Variants in PKD1 observed in about 807,000 individuals in gnomAD.
The protein encoded by PKD1 is polycystin 1, transient receptor potential channel interacting, also known as polycystin-1.
In PKD1, 81 loss-of-function variants were observed where a neutral mutation model predicts 361.7. The observed-to-expected ratio is 0.22, with a 90% CI of 0.19 to 0.27. The LOEUF (loss-of-function observed/expected upper bound fraction) is 0.27, where lower values mean the gene tolerates loss of function less well. Ranked by LOEUF, PKD1 falls within the 10% of genes least tolerant of loss-of-function variation. The probability of loss-of-function intolerance (pLI) is 1.00; values close to 1 mark genes in which losing one functional copy is unlikely to be tolerated. For missense variants in PKD1, 6,399 were observed against 6,118.3 expected (o/e 1.05, Z -1.53); for synonymous variants, 3,615 against 2,818.3 (o/e 1.28, Z -8.95).
At chr16:2,113,902 G>A (rs1400854022) in intron 11 of PKD1, 11 of 552,332 alleles carry the variant, frequency 2.0e-5, no homozygotes, top group Non-Finnish European at 3.3e-5. Context: ...GGGGGCTCGT[G>A]TGAGGTCAGG....
At position 2,106,726 on chromosome 16, in the gene PKD1, C is replaced by A. The variant is rs1390112705; in HGVS notation, c.7210-49G>T. 3 of 1,537,230 alleles carry A rather than the reference C, an allele frequency of 2.0e-6. No individual in the cohort carries two copies. The highest frequency in any genetic ancestry group is 2.3e-5 in the East Asian group (1 of 43,720). On this transcript the variant is annotated intron_variant, in intron 17 of 45. Coordinates refer to ENST00000262304, the MANE Select transcript of PKD1 (RefSeq NM_001009944.3). This position sits in a 1 kb window ranked among gnomAD's most constrained non-coding sequence, Gnocchi z 6.5. ...GGGGCGCAACCCTCTGCCCTGTCAG[C>A]CCCACTTCTGCCTGCAGGCCCCGTC... is the stretch of plus-strand genomic sequence containing the variant.
At chr16:2,124,762 C>T (rs1433571719) in intron 1 of PKD1, among the ~76,000 whole-genome samples, 7 of 152,234 alleles carry the variant, frequency 4.6e-5, no homozygotes, top group South Asian at 2.1e-4. Flanking sequence ...CCGGCACCCC[C>T]GCCCGCGCTG....
At position 2,135,896 on chromosome 16, in the gene PKD1, T is replaced by C. The variant is rs1380968772; in HGVS notation, c.-207A>G. On this transcript the variant is annotated 5_prime_UTR_variant, in exon 1 of 46. Transcript: ENST00000262304. Reference sequence around the variant, plus strand: ...GCCCGCTCGGACGCTGGCGCTGCAGTGCGGGCCCCGCCGCGGCTCCTCCTC... The same window carrying C: ...GCCCGCTCGGACGCTGGCGCTGCAGCGCGGGCCCCGCCGCGGCTCCTCCTC... 2.1e-5 allele frequency: 4 copies of C among 193,214 alleles called. No homozygotes were observed. The highest frequency in any genetic ancestry group is 3.7e-5 in the Non-Finnish European group (4 of 107,916). The allele number at this position is 193,214 out of a possible 1,614,324, so 12.0% of individuals were successfully genotyped here.
chr16:2,132,052 A>AC (rs2092888537), intron 1 of PKD1: 1 of 151,868 alleles, frequency 6.6e-6, no homozygotes, highest in South Asian at 2.1e-4. Context: ...GGAGTTTGAG[A>AC]CCAGCCTGAC....
In PKD1 at chr16:2,103,687, C is replaced by T. The variant is rs567922171; in HGVS notation, c.8370G>A (p.Pro2790=). The T allele has an allele frequency of 1.2e-4, 192 of 1,610,014 alleles. No homozygotes were observed. The highest frequency in any genetic ancestry group is 4.5e-4 in the Middle Eastern group (2 of 4,428). ...CGCCGCCATAGCACAGCAGGCTCCG[C>T]GGGTCCGAGCGCTTGCCCTGGGCCA... ...EIVAQGKRSD[P]RSLLCYGGAP... The change falls in exon 23 of 46, where the codon CCG becomes CCA. Residue 2790 remains proline, a synonymous_variant. Coordinates refer to ENST00000262304, the MANE Select transcript of PKD1 (RefSeq NM_001009944.3).
Position 2,098,303 on chromosome 16 carries a change from C to T in PKD1, c.10051-319G>A, listed in dbSNP as rs543881755. On this transcript the variant is annotated intron_variant, in intron 30 of 45. Coordinates refer to ENST00000262304, the MANE Select transcript of PKD1 (RefSeq NM_001009944.3). ...AGCTCACTGCAACCTCCACCTCCCGCGTTCAGGCGATTGTCCTGGCTCAGC... is the reference window on the plus strand; with the variant it reads ...AGCTCACTGCAACCTCCACCTCCCGTGTTCAGGCGATTGTCCTGGCTCAGC... 1.2e-3 allele frequency: 521 copies of T among 418,972 alleles called. 1 individual carries two copies. Among genetic ancestry groups the T allele is most frequent in the African/African-American group, 8.6e-3 (424 of 49,420 alleles). The allele number at this position is 418,972 out of a possible 1,614,324, so 26.0% of individuals were successfully genotyped here.
At position 2,114,101 on chromosome 16, in the gene PKD1, G is replaced by A. The variant is rs577330548; in HGVS notation, c.2853+69C>T. The A allele has an allele frequency of 8.4e-5, 108 of 1,291,600 alleles. No individual in the cohort carries two copies. In the African/African-American group the frequency reaches 1.1e-3, roughly 13 times the overall value. The allele number at this position is 1,291,600 out of a possible 1,614,324, so 80.0% of individuals were successfully genotyped here. ...CCCTCACTGGGAAGCCAGGCCTCAC[G>A]CCCTGTGTGAGCACCCTGTCTGCAG... On this transcript the variant is annotated intron_variant, in intron 11 of 45. Coordinates refer to ENST00000262304, the MANE Select transcript of PKD1 (RefSeq NM_001009944.3).
intron 1 of PKD1, chr16:2,119,837 G>A (rs1184322698): frequency 1.6e-5 from 11 of 699,196 alleles, no homozygotes; most frequent in South Asian, 1.0e-4. Flanking sequence ...AGGTATGACT[G>A]TGTGAGAAGC....
At chr16:2,099,498 GC>G in intron 30 of PKD1, 145 bp downstream of exon 30, 1 of 718,470 alleles carries the variant, frequency 1.4e-6, no homozygotes, top group South Asian at 1.5e-5. Context: ...TCTAGCTAAG[GC>G]TGCTCAAGTG....
rs781492044 is a variant in PKD1, at chr16:2,093,828, C to T, written c.10804G>A (p.Gly3602Ser). The change falls in exon 36 of 46, where the codon GGC (glycine) becomes AGC (serine). Residue 3602 changes from glycine (G) to serine (S), a missense_variant. By Grantham distance (56) the Gly-to-Ser change is moderately conservative. Coordinates refer to ENST00000262304, the MANE Select transcript of PKD1 (RefSeq NM_001009944.3). ...SSASFLASFL[G>S]WEPLKVLLEA... ...CCCCTCACCTTCAGTGGCTCCCAGC[C>T]GAGGAATGAGGCCAGGAAGCTGGCG... The T allele has an allele frequency of 1.4e-5, 22 of 1,558,936 alleles. No homozygotes were observed. The highest frequency in any genetic ancestry group is 1.0e-4 in the South Asian group (9 of 86,074).
intron 9 of PKD1, 140 bp from the exon 10 acceptor site, chr16:2,115,765 C>T (rs2092622462): frequency 7.9e-6 from 8 of 1,017,878 alleles, no homozygotes; most frequent in South Asian, 1.5e-5. Context: ...CCCAGTGCTG[C>T]GTCCGTCTCC....
Position 2,114,811 on chromosome 16 carries a change from G to C in PKD1, c.2212C>G (p.Pro738Ala). ...TTGGCGGAGAGGTACGGGGCCCGGG[G>C]ACCAGGGTGGCCGGGAGCCGGCGAG... The part of the protein sequence containing the change: ...HCSPAPGHPG[P>A]RAPYLSANAS... The change falls in exon 11 of 46, where the codon CCC becomes GCC. Residue 738 changes from proline (P) to alanine (A), a missense_variant. By Grantham distance (27) the Pro-to-Ala change is conservative. Transcript: ENST00000262304. 2.0e-6 allele frequency: 2 copies of C among 1,003,236 alleles called. No homozygotes were observed. Among genetic ancestry groups the C allele is most frequent in the Non-Finnish European group, 3.0e-6 (2 of 667,410 alleles). 62.1% of individuals were successfully genotyped at this position (1,003,236 alleles called of 1,614,324 possible).
At chr16:2,132,996 C>G (rs1197136635) in intron 1 of PKD1, 1 of 150,058 alleles carries the variant, frequency 6.7e-6, no homozygotes, top group Non-Finnish European at 1.5e-5. Flanking sequence ...CAGGAAAAAG[C>G]GCTTGAACCC....
At chr16:2,096,924 GC>G in intron 34 of PKD1, 1 of 589,096 alleles carries the variant, frequency 1.7e-6, no homozygotes, top group Non-Finnish European at 3.0e-6. Flanking sequence ...CTCCTACAAA[GC>G]CCCATGAGCC....
At position 2,104,348 on chromosome 16, in the gene PKD1, AT is replaced by A. The variant is rs1402476405; in HGVS notation, c.8161+149del. 278 of 451,730 alleles carry A rather than the reference AT, an allele frequency of 6.2e-4. 1 individual carries two copies. Among genetic ancestry groups the A allele is most frequent in the African/African-American group, 4.9e-3 (139 of 28,380 alleles). 28.0% of individuals were successfully genotyped at this position (451,730 alleles called of 1,614,324 possible). ...AAGGGGGAGGGGGAGGAGAATGGGAATTGGGGGAGGGGGATGAGGATGGGAA... is the reference window on the plus strand; with the variant it reads ...AAGGGGGAGGGGGAGGAGAATGGGAATGGGGGAGGGGGATGAGGATGGGAA... On this transcript the variant is annotated intron_variant, in intron 22 of 45. Transcript: ENST00000262304.
At position 2,106,179 on chromosome 16, in the gene PKD1, G is replaced by C. The variant is rs756322717; in HGVS notation, c.7615C>G (p.Leu2539Val). The change falls in exon 19 of 46, where the codon CTG becomes GTG. Residue 2539 changes from leucine to valine, a missense_variant. By Grantham distance (32) the Leu-to-Val change is conservative. Transcript: ENST00000262304. This position sits in a 1 kb window ranked among gnomAD's most constrained non-coding sequence, Gnocchi z 6.5. ...AAGTGTGGCCTGAAACCCGGGGGCA[G>C]CACGGCTCCGTAGCTGGAGAGGCTG... Reference protein sequence around the residue: ...KGSLSSYGAVLPPGFRPHFEV... With the variant: ...KGSLSSYGAVVPPGFRPHFEV... 9.3e-6 allele frequency: 15 copies of C among 1,609,562 alleles called. No individual in the cohort carries two copies. In the African/African-American group the frequency reaches 1.6e-4, roughly 17 times the overall value.
rs1281425180 is a variant in PKD1 at position 2,113,464 on chromosome 16, G to A, written c.2854-172C>T. ...CCAAGCCCGGGCTGGGACACTCACT[G>A]TCCGGCTCTCCAGCCAGCCATGTAG... On this transcript the variant is annotated intron_variant, in intron 11 of 45. Transcript: ENST00000262304. The A allele has an allele frequency of 2.0e-5, 15 of 734,836 alleles. No individual in the cohort carries two copies. The African/African-American group carries it at 2.1e-4, about 10-fold the overall frequency. 45.5% of individuals were successfully genotyped at this position (734,836 alleles called of 1,614,324 possible).
In PKD1 at chr16:2,089,029, CTT is replaced by C. The variant is rs2091296749; in HGVS notation, c.*696_*697del. 1 of 206,666 alleles carries C rather than the reference CTT, an allele frequency of 4.8e-6. No individual in the cohort carries two copies. Among genetic ancestry groups the C allele is most frequent in the Non-Finnish European group, 9.9e-6 (1 of 100,850 alleles). The allele number at this position is 206,666 out of a possible 1,614,324, so 12.8% of individuals were successfully genotyped here. A position where few individuals can be genotyped will look rare whatever the true frequency, so the allele number is the denominator to read the frequency against. On this transcript the variant is annotated 3_prime_UTR_variant, in exon 46 of 46. Transcript: ENST00000262304. Reference sequence around the variant, plus strand: ...TGCCAGCAGGCCTGGGCGCTGCTCTCTTGCTACCTGGCCTGGGGCAAGGGAGG... The same window carrying C: ...TGCCAGCAGGCCTGGGCGCTGCTCTCGCTACCTGGCCTGGGGCAAGGGAGG...
At chr16:2,091,394 G>GC (rs2091567489) in intron 42 of PKD1, 29 bp downstream of exon 42, 1 of 1,079,392 alleles carries the variant, frequency 9.3e-7, no homozygotes, top group Admixed American at 5.2e-5. Flanking sequence ...CCGGTGGGAG[G>GC]CGCGGGGTCT....
Sources: allele counts gnomAD v4.1 joint callset (sites outside exome capture counted in the v4.1 genomes callset), GRCh38; gene constraint gnomAD v4.1.1; non-coding constraint Gnocchi (gnomAD v3.1); transcripts MANE v1.5; gene names NCBI Gene and HGNC (gene_info 2026-07-23, HGNC 2026-07-21).